Variants in CFH observed in about 807,000 individuals in gnomAD.
The protein encoded by CFH is complement factor H.
In CFH, 53 loss-of-function variants were observed where a neutral mutation model predicts 147.3. The observed-to-expected ratio is 0.36, with a 90% CI of 0.29 to 0.45. CFH has a LOEUF of 0.45. Among genes scored for constraint, CFH ranks in the 20% least tolerant of loss-of-function variants. The probability of loss-of-function intolerance (pLI) is 1.00; values close to 1 mark genes in which losing one functional copy is unlikely to be tolerated. For synonymous variants in CFH, 536 were observed against 489.4 expected (o/e 1.10, Z -1.26); for missense variants, 1,380 against 1,498.0 (o/e 0.92, Z 1.30).
rs191928490 is a variant in CFH, at chr1:196,653,868, C to A, written c.58+1693C>A. 5.1e-4 allele frequency among the ~76,000 whole-genome samples: 77 copies of A among 152,110 alleles called. 1 individual carries two copies. The highest frequency in any genetic ancestry group is 8.3e-4 in the South Asian group (4 of 4,826). Reference sequence around the variant, plus strand: ...TGATTATTTCCTAAAAGATAAAGCACAACTTTGTATTTAAAGCAATGCTTA... The same window carrying A: ...TGATTATTTCCTAAAAGATAAAGCAAAACTTTGTATTTAAAGCAATGCTTA... On this transcript the variant is annotated intron_variant, in intron 1 of 21. Transcript: ENST00000367429.
At chr1:196,660,039 G>T (rs763363202) in intron 1 of CFH, among the ~76,000 whole-genome samples, 1 of 152,072 alleles carries the variant, frequency 6.6e-6, no homozygotes, top group African/African-American at 2.4e-5. Flanking sequence ...GTAAAGTAGG[G>T]CCTAAGAGAA....
At chr1:196,744,846 G>T (rs529679453) in intron 20 of CFH, among the ~76,000 whole-genome samples, 1 of 152,138 alleles carries the variant, frequency 6.6e-6, no homozygotes, top group African/African-American at 2.4e-5. Context: ...TTAATTTGAA[G>T]AATTCCTTTA....
At chr1:196,715,332 G>A (rs1475913917) in intron 10 of CFH, among the ~76,000 whole-genome samples, 2 of 151,824 alleles carry the variant, frequency 1.3e-5, no homozygotes, top group African/African-American at 4.8e-5. Context: ...AAATGCTTTA[G>A]TATAAATGAA....
At chr1:196,680,632 A>G (rs1667616413) in intron 6 of CFH, among the ~76,000 whole-genome samples, 1 of 151,872 alleles carries the variant, frequency 6.6e-6, no homozygotes, top group Admixed American at 6.6e-5. Flanking sequence ...GTCTGCTGCA[A>G]TTAGTGAAAC....
intron 9 of CFH, among the ~76,000 whole-genome samples, chr1:196,705,777 A>G (rs1668570769): frequency 6.6e-6 from 1 of 152,116 alleles, no homozygotes; most frequent in African/African-American, 2.4e-5. Flanking sequence ...CTAGCACTGT[A>G]CACACCCCAT....
chr1:196,722,710 A>G (rs1669030087), intron 11 of CFH, among the ~76,000 whole-genome samples: 2 of 152,138 alleles, frequency 1.3e-5, no homozygotes, highest in Non-Finnish European at 2.9e-5. Flanking sequence ...AAGAATATCT[A>G]TAACTCTTAA....
intron 19 of CFH, among the ~76,000 whole-genome samples, chr1:196,742,598 C>T (rs1652847723): frequency 1.3e-5 from 2 of 152,096 alleles, no homozygotes; most frequent in Non-Finnish European, 2.9e-5. Context: ...GGTCGCTAAA[C>T]CGGTAGCATC....
chr1:196,688,671 C>G (rs1667910037), intron 7 of CFH, among the ~76,000 whole-genome samples: 1 of 152,096 alleles, frequency 6.6e-6, no homozygotes, highest in Non-Finnish European at 1.5e-5. Context: ...AGTGCAAAGA[C>G]ACAATCTCAA....
intron 9 of CFH, among the ~76,000 whole-genome samples, chr1:196,693,705 CTG>C (rs1668147543): frequency 6.6e-6 from 1 of 152,052 alleles, no homozygotes; most frequent in Non-Finnish European, 1.5e-5. Flanking sequence ...TATTCAGGCT[CTG>C]GGGAGAATGG....
chr1:196,740,433 G>C (rs1652771483), intron 17 of CFH, among the ~76,000 whole-genome samples, 186 bp from the exon 18 acceptor site: 1 of 152,040 alleles, frequency 6.6e-6, no homozygotes, highest in Non-Finnish European at 1.5e-5. Context: ...TTCTTCAGTT[G>C]GTGACAGTCC....
chr1:196,700,305 T>C (rs1032758460), intron 9 of CFH, among the ~76,000 whole-genome samples: 6 of 152,324 alleles, frequency 3.9e-5, no homozygotes, highest in Non-Finnish European at 5.9e-5. Context: ...CTCCACTGTC[T>C]TGGTATATTC....
chr1:196,678,985 G>C (rs145177514), intron 5 of CFH: 38 of 152,396 alleles, frequency 2.5e-4, no homozygotes, highest in African/African-American at 8.7e-4. Flanking sequence ...GTGGAGTTAC[G>C]ATGTGTCTAC....
At chr1:196,654,123 T>C (rs753072737) in intron 1 of CFH, among the ~76,000 whole-genome samples, 1 of 152,066 alleles carries the variant, frequency 6.6e-6, no homozygotes, top group African/African-American at 2.4e-5. Flanking sequence ...TATATTTCAA[T>C]ATTTGCTTCT....
At chr1:196,683,590 T>C (rs1558159014) in intron 6 of CFH, among the ~76,000 whole-genome samples, 3 of 151,814 alleles carry the variant, frequency 2.0e-5, no homozygotes, top group African/African-American at 4.8e-5. Flanking sequence ...TCCATATCAA[T>C]TTAAGAGTGT....
At chr1:196,690,517 G>C in intron 9 of CFH, 1 of 462,766 alleles carries the variant, frequency 2.2e-6, no homozygotes, top group East Asian at 4.6e-5. Context: ...AAGTCGTATT[G>C]AAGCGGCATC....
intron 14 of CFH, 48 bp from the exon 15 acceptor site, chr1:196,728,298 T>C (rs924255668): frequency 4.1e-5 from 50 of 1,210,670 alleles, no homozygotes; most frequent in Non-Finnish European, 5.5e-5. Context: ...TAATAGTTGG[T>C]TTGATTCCTA....
At chr1:196,726,391 A>G (rs1486130273) in intron 12 of CFH, 79 bp from the exon 13 acceptor site, 2 of 1,133,916 alleles carry the variant, frequency 1.8e-6, no homozygotes, top group Non-Finnish European at 2.6e-6. Context: ...ATAAAAGAAG[A>G]AAATCTTTCC....
rs541777664 is a variant in CFH at position 196,693,621 on chromosome 1, A to G, written c.1336+3382A>G. On this transcript the variant is annotated intron_variant, in intron 9 of 21. Coordinates refer to ENST00000367429, the MANE Select transcript of CFH (RefSeq NM_000186.4). Reference sequence around the variant, plus strand: ...TCTGGGCGGGATGGAGCTGAATGGCATAGGATTTCATCAAAGACTACTAAG... The same window carrying G: ...TCTGGGCGGGATGGAGCTGAATGGCGTAGGATTTCATCAAAGACTACTAAG... Among the ~76,000 whole-genome samples the G allele has an allele frequency of 3.9e-5, 6 of 152,242 alleles. No individual in the cohort carries two copies. The South Asian group carries it at 1.2e-3, about 32-fold the overall frequency.
In CFH at chr1:196,713,826, A is replaced by T. The variant is rs34399588; in HGVS notation, c.1428A>T (p.Gln476His). 6.2e-7 allele frequency: 1 copy of T among 1,612,360 alleles called. No homozygotes were observed. Among genetic ancestry groups the T allele is most frequent in the African/African-American group, 1.3e-5 (1 of 74,836 alleles). ...TYALKEKAKY[Q>H]CKLGYVTADG... is the part of the protein sequence containing the mutation. ...CCTTAAAAGAAAAAGCGAAATATCA[A>T]TGCAAACTAGGATATGTAACAGCAG... Residue 476 changes from glutamine (Q) to histidine (H), a missense_variant, in exon 10 of 22, where the codon CAA becomes CAT. Gln to His is a conservative substitution (Grantham distance 24). Transcript: ENST00000367429.
Sources: gnomAD v4.1 joint callset for allele counts (sites outside exome capture counted in the v4.1 genomes callset) on GRCh38, gnomAD v4.1.1 for gene constraint, MANE v1.5 for transcripts, NCBI Gene and HGNC (gene_info 2026-07-23, HGNC 2026-07-21) for gene names.